The following NAA11 variants were observed in gnomAD, a reference collection of about 807,000 sequenced individuals.
The protein encoded by NAA11 is N-alpha-acetyltransferase 11.
NAA11 carries 15 observed loss-of-function variants against 16.1 expected under a neutral mutation model. The observed-to-expected ratio is 0.93, with a 90% CI of 0.62 to 1.44. The LOEUF (loss-of-function observed/expected upper bound fraction) is 1.44. NAA11 is among the 40% of genes most tolerant of loss of function. The pLI, the probability that NAA11 is intolerant of heterozygous loss-of-function variation, is 0.00. For missense variants in NAA11, 298 were observed against 291.3 expected, an observed-to-expected ratio of 1.02 and a Z score of -0.17; for synonymous variants, 122 against 112.4, an observed-to-expected ratio of 1.09 and a Z score of -0.54.
the NAA11 span, among the ~76,000 whole-genome samples, chr4:79,165,886 G>T: frequency 6.6e-6 from 1 of 152,140 alleles, no homozygotes; most frequent in Non-Finnish European, 1.5e-5. Context: ...TTTTGACTTA[G>T]TTATTGCCTA....
the NAA11 span, among the ~76,000 whole-genome samples, chr4:79,163,272 C>T: frequency 3.9e-5 from 6 of 152,246 alleles, no homozygotes; most frequent in African/African-American, 7.2e-5. Context: ...TGTGCATTTC[C>T]GCAGTTGTAC....
chr4:79,264,189 T>A (rs1560432788), intron 2 of NAA11, among the ~76,000 whole-genome samples: 1 of 152,256 alleles, frequency 6.6e-6, no homozygotes, highest in Non-Finnish European at 1.5e-5. Flanking sequence ...TAGTCTGTGA[T>A]GAGACAGTAC....
chr4:79,319,398 A>G (rs1724026508), intron 1 of NAA11, among the ~76,000 whole-genome samples: 1 of 152,214 alleles, frequency 6.6e-6, no homozygotes, highest in Non-Finnish European at 1.5e-5. Flanking sequence ...TTTTCCAAAG[A>G]TATTTATCTA....
intron 1 of NAA11, among the ~76,000 whole-genome samples, chr4:79,297,348 C>T (rs1296580435): frequency 6.6e-6 from 1 of 152,180 alleles, no homozygotes; most frequent in African/African-American, 2.4e-5. Context: ...ACAGAGAGGG[C>T]CTCAGCGAGG....
intron 2 of NAA11, among the ~76,000 whole-genome samples, chr4:79,240,104 G>T (rs1242613009): frequency 6.6e-6 from 1 of 152,162 alleles, no homozygotes; most frequent in Non-Finnish European, 1.5e-5. Context: ...TTTTGATACA[G>T]ATTTACCTTT....
At chr4:79,159,234 C>T in the NAA11 span, among the ~76,000 whole-genome samples, 2 of 151,972 alleles carry the variant, frequency 1.3e-5, no homozygotes, top group African/African-American at 2.4e-5. Flanking sequence ...CTCAAATTAG[C>T]AAGGAAAAAA....
At chr4:79,189,162 A>AC in the NAA11 span, among the ~76,000 whole-genome samples, 11 of 148,710 alleles carry the variant, frequency 7.4e-5, 1 homozygote, top group Admixed American at 2.0e-4. Context: ...AAAAAAAAAA[A>AC]AACTTATGAA....
chr4:79,208,925 C>CAAAAAAA, the NAA11 span, among the ~76,000 whole-genome samples: 4,501 of 51,270 alleles, frequency 0.088, 91 homozygotes, highest in East Asian at 0.14. Flanking sequence ...ATATAACTGC[C>CAAAAAAA]AAAAAAAAAA....
the NAA11 span, among the ~76,000 whole-genome samples, chr4:79,160,951 C>G: frequency 1.2e-4 from 18 of 151,988 alleles, no homozygotes; most frequent in Non-Finnish European, 2.4e-4. Flanking sequence ...ATGGTTAAGT[C>G]TGATTACTTA....
chr4:79,182,733 TG>T, the NAA11 span, among the ~76,000 whole-genome samples: 50 of 152,174 alleles, frequency 3.3e-4, 1 homozygote, highest in African/African-American at 5.8e-4. Context: ...TTCTCAACAA[TG>T]GGGGGGACCA....
intron 2 of NAA11, among the ~76,000 whole-genome samples, chr4:79,262,462 T>C (rs1200259158): frequency 2.6e-5 from 4 of 152,302 alleles, no homozygotes; most frequent in African/African-American, 7.2e-5. Context: ...CTAGTCTCAC[T>C]TGCAGCTATG....
chr4:79,266,745 A>C (rs1722354167), intron 2 of NAA11, among the ~76,000 whole-genome samples: 1 of 152,178 alleles, frequency 6.6e-6, no homozygotes, highest in African/African-American at 2.4e-5. Flanking sequence ...TTGGGGGGTA[A>C]GTGAATCACA....
At chr4:79,166,145 G>A in the NAA11 span, among the ~76,000 whole-genome samples, 1 of 152,158 alleles carries the variant, frequency 6.6e-6, no homozygotes, top group Non-Finnish European at 1.5e-5. Context: ...CAAGATCAGA[G>A]ACATAGTTGG....
At chr4:79,182,962 C>A in the NAA11 span, among the ~76,000 whole-genome samples, 1 of 152,094 alleles carries the variant, frequency 6.6e-6, no homozygotes, top group Non-Finnish European at 1.5e-5. Context: ...AAGCCCTCGA[C>A]CTCATGGAAA....
At chr4:79,155,494 ATTC>A in the NAA11 span, among the ~76,000 whole-genome samples, 2 of 152,196 alleles carry the variant, frequency 1.3e-5, no homozygotes, top group Admixed American at 1.3e-4. Flanking sequence ...TGCACAGTGA[ATTC>A]TTGATTATCC....
chr4:79,325,585 A>G lies in NAA11; in HGVS notation c.293T>C (p.Met98Thr). The change falls in exon 1 of 2, where the codon ATG becomes ACG. Residue 98 changes from methionine (M) to threonine (T), a missense_variant. Coordinates refer to ENST00000286794, the MANE Select transcript of NAA11 (RefSeq NM_032693.3). The stretch of plus-strand genomic sequence containing the variant: ...GTATTTGGCGTTAAAGTTCTCTATC[A>G]TGGCCCTGGAGGCCTGGTCCATCAG... ...QKLMDQASRA[M>T]IENFNAKYVS... 1 of 1,614,018 alleles carries G rather than the reference A, an allele frequency of 6.2e-7. No homozygotes were observed. Among genetic ancestry groups the G allele is most frequent in the Non-Finnish European group, 8.5e-7 (1 of 1,179,944 alleles).
chr4:79,217,326 A>T, the NAA11 span, among the ~76,000 whole-genome samples: 1 of 152,188 alleles, frequency 6.6e-6, no homozygotes, highest in Non-Finnish European at 1.5e-5. Context: ...CTAGATGAAA[A>T]GCTGTGAAAG....
At chr4:79,171,275 G>A in the NAA11 span, among the ~76,000 whole-genome samples, 1 of 152,176 alleles carries the variant, frequency 6.6e-6, no homozygotes, top group Non-Finnish European at 1.5e-5. Flanking sequence ...GAGTGGGTTA[G>A]ATATTGCAGG....
intron 2 of NAA11, among the ~76,000 whole-genome samples, chr4:79,266,014 A>C (rs947470161): frequency 3.5e-4 from 54 of 152,180 alleles, no homozygotes; most frequent in African/African-American, 1.2e-3. Flanking sequence ...GGGAAAACTC[A>C]GTATCAACCT....
Sources: allele counts gnomAD v4.1 joint callset (sites outside exome capture counted in the v4.1 genomes callset), GRCh38; gene constraint gnomAD v4.1.1; transcripts MANE v1.5; gene names NCBI Gene and HGNC (gene_info 2026-07-23, HGNC 2026-07-21).